The following SLC22A11 variants were observed in gnomAD, a reference collection of about 807,000 sequenced individuals.
The protein encoded by SLC22A11 is solute carrier family 22 member 11.
SLC22A11 carries 42 observed loss-of-function variants against 49.4 expected under a neutral mutation model. The observed-to-expected ratio is 0.85, with a 90% CI of 0.66 to 1.10. SLC22A11 has a LOEUF of 1.10. Ranked by LOEUF, SLC22A11 falls within the 50% of genes least tolerant of loss-of-function variation. SLC22A11 has a pLI of 0.00. For synonymous variants in SLC22A11, 304 were observed against 315.8 expected (o/e 0.96, Z 0.40); for missense variants, 685 against 731.6 (o/e 0.94, Z 0.74).
chr11:64,556,010 C>T lies in SLC22A11; in HGVS notation c.11C>T (p.Ser4Leu), dbSNP rs780955917. The T allele has an allele frequency of 1.9e-6, 3 of 1,607,750 alleles. No homozygotes were observed. Among genetic ancestry groups the T allele is most frequent in the Admixed American group, 1.7e-5 (1 of 59,882 alleles). Residue 4 changes from serine (S) to leucine (L), a missense_variant, in exon 1 of 10, where the codon TCG becomes TTG. Ser to Leu is a moderately radical substitution (Grantham distance 145). Transcript: ENST00000301891. ...GAGGCAGCTCTGTTCATGGCGTTCT[C>T]GAAGCTCTTGGAGCAAGCCGGAGGC... is the stretch of plus-strand genomic sequence containing the variant. MAF[S>L]KLLEQAGGVG...
Position 64,564,261 on chromosome 11 carries a change from G to C in SLC22A11, c.822-47G>C. ...ACTGCCCCTTTCCACCCCGCCCCGG[G>C]GGAGAGCCCAGCGTGCACTCCCAGC... On this transcript the variant is annotated intron_variant, in intron 4 of 9. Transcript: ENST00000301891. This position sits in a 1 kb window ranked among gnomAD's most constrained non-coding sequence, Gnocchi z 4.2. The C allele has an allele frequency of 6.2e-7, 1 of 1,610,236 alleles. No individual in the cohort carries two copies. The highest frequency in any genetic ancestry group is 8.5e-7 in the Non-Finnish European group (1 of 1,177,740).
chr11:64,557,104 G>T (rs2038473073), intron 1 of SLC22A11, among the ~76,000 whole-genome samples: 1 of 152,210 alleles, frequency 6.6e-6, no homozygotes, highest in African/African-American at 2.4e-5. Flanking sequence ...ACCCCTTCTA[G>T]CAGCAAAGCC....
rs2038721293 is a variant in SLC22A11, at chr11:64,572,838, C to A, written c.*1796C>A. ...GGATTCGGATCATACAAAGAATGTT[C>A]TTGAACCAGCATGGAATTAAATTAG... is the stretch of plus-strand genomic sequence containing the variant. On this transcript the variant is annotated 3_prime_UTR_variant, in exon 10 of 10. Coordinates refer to ENST00000301891, the MANE Select transcript of SLC22A11 (RefSeq NM_018484.4). 1 of 152,148 alleles carries A rather than the reference C, an allele frequency of 6.6e-6. No individual in the cohort carries two copies. Among genetic ancestry groups the A allele is most frequent in the Non-Finnish European group, 1.5e-5 (1 of 68,016 alleles). The allele number at this position is 152,148 out of a possible 1,614,324, so 9.4% of individuals were successfully genotyped here.
At position 64,567,826 on chromosome 11, in the gene SLC22A11, G is replaced by A; in HGVS notation, c.1273+13G>A. The A allele has an allele frequency of 6.4e-7, 1 of 1,564,596 alleles. No homozygotes were observed. The highest frequency in any genetic ancestry group is 8.6e-7 in the Non-Finnish European group (1 of 1,158,216). The stretch of plus-strand genomic sequence containing the variant: ...CTGGTGCCGCAAGGTGAGGCAGGCG[G>A]ACTGGGCGGTGGGACCGGGCCCTGC... On this transcript the variant is annotated intron_variant, in intron 7 of 9. Coordinates refer to ENST00000301891, the MANE Select transcript of SLC22A11 (RefSeq NM_018484.4).
Position 64,564,274 on chromosome 11 carries a change from G to A in SLC22A11, c.822-34G>A, listed in dbSNP as rs202164674. The A allele has an allele frequency of 3.9e-4, 632 of 1,612,808 alleles. 1 individual carries two copies. The highest frequency in any genetic ancestry group is 4.8e-4 in the Non-Finnish European group (566 of 1,179,456). ...ACCCCGCCCCGGGGGAGAGCCCAGCGTGCACTCCCAGCTACACACCTGCCT... is the reference window on the plus strand; with the variant it reads ...ACCCCGCCCCGGGGGAGAGCCCAGCATGCACTCCCAGCTACACACCTGCCT... On this transcript the variant is annotated intron_variant, in intron 4 of 9. Coordinates refer to ENST00000301891, the MANE Select transcript of SLC22A11 (RefSeq NM_018484.4). The surrounding 1 kb of genome is among the most constrained non-coding windows in gnomAD (Gnocchi z 4.2).
At position 64,562,228 on chromosome 11, in the gene SLC22A11, C is replaced by A. The variant is rs1233142157; in HGVS notation, c.653-39C>A. The A allele has an allele frequency of 6.3e-7, 1 of 1,599,780 alleles. No individual in the cohort carries two copies. Among genetic ancestry groups the A allele is most frequent in the Non-Finnish European group, 8.5e-7 (1 of 1,170,732 alleles). On this transcript the variant is annotated intron_variant, in intron 3 of 9. Transcript: ENST00000301891. This position sits in a 1 kb window ranked among gnomAD's most constrained non-coding sequence, Gnocchi z 4.4. ...GCAGGAGAGAATGGGGCTCAGGCCGCCGCATGAGGCCTCACCTGCACGTGT... is the reference window on the plus strand; with the variant it reads ...GCAGGAGAGAATGGGGCTCAGGCCGACGCATGAGGCCTCACCTGCACGTGT...
chr11:64,564,538 C>T lies in SLC22A11; in HGVS notation c.942+110C>T. On this transcript the variant is annotated intron_variant, in intron 5 of 9. Coordinates refer to ENST00000301891, the MANE Select transcript of SLC22A11 (RefSeq NM_018484.4). The surrounding 1 kb of genome is among the most constrained non-coding windows in gnomAD (Gnocchi z 4.2). The stretch of plus-strand genomic sequence containing the variant: ...ACTCCAGCACCACCTCCACCAGCAC[C>T]ACCACCAGCATCTCCACAGACACCA... 7.5e-7 allele frequency: 1 copy of T among 1,339,166 alleles called. No individual in the cohort carries two copies. The highest frequency in any genetic ancestry group is 1.0e-6 in the Non-Finnish European group (1 of 964,212). 83.0% of individuals were successfully genotyped at this position (1,339,166 alleles called of 1,614,324 possible).
rs1401715232 is a variant in SLC22A11, at chr11:64,556,098, C to G, written c.99C>G (p.Ser33=). ...TCCTCCCCTGCCTCATGATACCTTC[C>G]CAGATGCTCCTGGAGAACTTCTCAG... ...TFILPCLMIP[S]QMLLENFSAA... is the part of the protein sequence containing the mutation. Residue 33 remains serine (S), a synonymous_variant, in exon 1 of 10, where the codon TCC becomes TCG. Coordinates refer to ENST00000301891, the MANE Select transcript of SLC22A11 (RefSeq NM_018484.4). The G allele has an allele frequency of 1.2e-6, 2 of 1,614,182 alleles. No individual in the cohort carries two copies. The highest frequency in any genetic ancestry group is 1.7e-6 in the Non-Finnish European group (2 of 1,180,032).
In SLC22A11 at chr11:64,570,328, C is replaced by T. The variant is rs979153804; in HGVS notation, c.1589+470C>T. On this transcript the variant is annotated intron_variant, in intron 9 of 9. Coordinates refer to ENST00000301891, the MANE Select transcript of SLC22A11 (RefSeq NM_018484.4). Reference sequence around the variant, plus strand: ...GAGAACAGATGGTGCCATCTCACACCCATTCTTTGACAGGGAGAAATGAGG... The same window carrying T: ...GAGAACAGATGGTGCCATCTCACACTCATTCTTTGACAGGGAGAAATGAGG... 2.6e-5 allele frequency among the ~76,000 whole-genome samples: 4 copies of T among 152,328 alleles called. No homozygotes were observed. In the East Asian group the frequency reaches 7.7e-4, roughly 29 times the overall value.
Position 64,565,437 on chromosome 11 carries a change from G to T in SLC22A11, c.1058+100G>T, listed in dbSNP as rs551224728. 8 of 969,310 alleles carry T rather than the reference G, an allele frequency of 8.3e-6. 1 individual carries two copies. In the African/African-American group the frequency reaches 1.1e-4, roughly 14 times the overall value. The allele number at this position is 969,310 out of a possible 1,614,324, so 60.0% of individuals were successfully genotyped here. On this transcript the variant is annotated intron_variant, in intron 6 of 9. Coordinates refer to ENST00000301891, the MANE Select transcript of SLC22A11 (RefSeq NM_018484.4). The surrounding 1 kb of genome is among the most constrained non-coding windows in gnomAD (Gnocchi z 4.1). ...AGAGCGTCCAGGGGAAACAGCACCC[G>T]CAGGCCTCAAGGGGGTGCATTTCTG... is the stretch of plus-strand genomic sequence containing the variant.
rs1697174013 is a variant in SLC22A11 at position 64,572,000 on chromosome 11, C to T, written c.*958C>T. On this transcript the variant is annotated 3_prime_UTR_variant, in exon 10 of 10. Coordinates refer to ENST00000301891, the MANE Select transcript of SLC22A11 (RefSeq NM_018484.4). ...AAGCGTAGGGATAAGAGGAACCCCT[C>T]TTGGTCCCCTCGATGAGGGTTGTTG... 6.6e-6 allele frequency: 1 copy of T among 152,284 alleles called. No individual in the cohort carries two copies. Among genetic ancestry groups the T allele is most frequent in the Admixed American group, 6.5e-5 (1 of 15,292 alleles). 9.4% of individuals were successfully genotyped at this position (152,284 alleles called of 1,614,324 possible).
At position 64,562,266 on chromosome 11, in the gene SLC22A11, G is replaced by A; in HGVS notation, c.653-1G>A. The A allele has an allele frequency of 1.9e-6, 3 of 1,602,652 alleles. No individual in the cohort carries two copies. The highest frequency in any genetic ancestry group is 2.6e-6 in the Non-Finnish European group (3 of 1,172,478). ...CACCTGCACGTGTCTGCATCCTTCA[G>A]TGGTGGAGTGGACCACGACCAGCAG... On this transcript the variant is annotated splice_acceptor_variant, in intron 3 of 9. Transcript: ENST00000301891. LOFTEE classifies it high-confidence loss of function. The surrounding 1 kb of genome is among the most constrained non-coding windows in gnomAD (Gnocchi z 4.4).
Position 64,571,287 on chromosome 11 carries a change from A to G in SLC22A11, c.*245A>G. 1 of 527,612 alleles carries G rather than the reference A, an allele frequency of 1.9e-6. No homozygotes were observed. Among genetic ancestry groups the G allele is most frequent in the Non-Finnish European group, 3.4e-6 (1 of 295,622 alleles). The allele number at this position is 527,612 out of a possible 1,614,324, so 32.7% of individuals were successfully genotyped here. ...ACCCGGGCCCTACAGGAGCCTGTGC[A>G]GATGGCCATGCCCAACCAATAACGA... On this transcript the variant is annotated 3_prime_UTR_variant, in exon 10 of 10. Transcript: ENST00000301891.
At position 64,565,390 on chromosome 11, in the gene SLC22A11, A is replaced by AGCTGGGACAGGCAGGAGGCC. The variant is rs2038610726; in HGVS notation, c.1058+54_1058+55insCTGGGACAGGCAGGAGGCCG. The AGCTGGGACAGGCAGGAGGCC allele has an allele frequency of 1.3e-5, 19 of 1,446,018 alleles. No individual in the cohort carries two copies. Among genetic ancestry groups the AGCTGGGACAGGCAGGAGGCC allele is most frequent in the Non-Finnish European group, 1.8e-5 (19 of 1,061,690 alleles). 89.6% of individuals were successfully genotyped at this position (1,446,018 alleles called of 1,614,324 possible). On this transcript the variant is annotated intron_variant, in intron 6 of 9. Coordinates refer to ENST00000301891, the MANE Select transcript of SLC22A11 (RefSeq NM_018484.4). This position sits in a 1 kb window ranked among gnomAD's most constrained non-coding sequence, Gnocchi z 4.1. ...GGCAGGGCTGGGACAGGCAGGAGGCAGAGCTGGGACAGGCAGGAGGCAGAG... is the reference window on the plus strand; with the variant it reads ...GGCAGGGCTGGGACAGGCAGGAGGCAGCTGGGACAGGCAGGAGGCCGAGCTGGGACAGGCAGGAGGCAGAG...
chr11:64,564,467 G>A lies in SLC22A11; in HGVS notation c.942+39G>A. On this transcript the variant is annotated intron_variant, in intron 5 of 9. Coordinates refer to ENST00000301891, the MANE Select transcript of SLC22A11 (RefSeq NM_018484.4). The surrounding 1 kb of genome is among the most constrained non-coding windows in gnomAD (Gnocchi z 4.2). ...GTCTGCGAGACTTGACCTGGGACAGGACGTGCACTGAGGGATCATCCGTGT... is the reference window on the plus strand; with the variant it reads ...GTCTGCGAGACTTGACCTGGGACAGAACGTGCACTGAGGGATCATCCGTGT... 1 of 1,608,546 alleles carries A rather than the reference G, an allele frequency of 6.2e-7. No homozygotes were observed. The highest frequency in any genetic ancestry group is 8.5e-7 in the Non-Finnish European group (1 of 1,176,566).
chr11:64,562,471 C>T lies in SLC22A11; in HGVS notation c.821+36C>T. On this transcript the variant is annotated intron_variant, in intron 4 of 9. Transcript: ENST00000301891. The surrounding 1 kb of genome is among the most constrained non-coding windows in gnomAD (Gnocchi z 4.4). ...TGTGGGACCTTTTCCTTAGGAGACC[C>T]AGGGTGGGAGGGGGACTCTTCACTT... 6.6e-7 allele frequency: 1 copy of T among 1,505,988 alleles called. No homozygotes were observed. Among genetic ancestry groups the T allele is most frequent in the Non-Finnish European group, 8.8e-7 (1 of 1,130,148 alleles). The allele number at this position is 1,505,988 out of a possible 1,614,324, so 93.3% of individuals were successfully genotyped here. A position where few individuals can be genotyped will look rare whatever the true frequency, so the allele number is the denominator to read the frequency against.
At chr11:64,559,432 C>T (rs1354503832) in intron 2 of SLC22A11, among the ~76,000 whole-genome samples, 194 bp downstream of exon 2, 1 of 152,060 alleles carries the variant, frequency 6.6e-6, no homozygotes, top group Non-Finnish European at 1.5e-5. Context: ...CAGCAAGGCC[C>T]CCCAGACCCT....
At chr11:64,558,200 G>C (rs1212225656) in intron 1 of SLC22A11, among the ~76,000 whole-genome samples, 2 of 152,208 alleles carry the variant, frequency 1.3e-5, no homozygotes, top group Non-Finnish European at 2.9e-5. Context: ...ATTCCAAAGT[G>C]TTGGGATTAC....
rs2277313 is a variant in SLC22A11, at chr11:64,556,311, C to T, written c.312C>T (p.Ser104=). The T allele has an allele frequency of 5.4e-4, 876 of 1,613,670 alleles. 10 individuals carry two copies. In the East Asian group the frequency reaches 0.017, roughly 32 times the overall value. ...QLLDPNATAT[S]WSEADTEPCV... is the part of the protein sequence containing the mutation. The stretch of plus-strand genomic sequence containing the variant: ...TGGACCCCAATGCCACGGCCACCAG[C>T]TGGAGCGAAGCTGACACGGAGCCGT... Residue 104 remains serine, a synonymous_variant, in exon 1 of 10, where the codon AGC becomes AGT. Coordinates refer to ENST00000301891, the MANE Select transcript of SLC22A11 (RefSeq NM_018484.4).
Sources: allele counts gnomAD v4.1 joint callset (sites outside exome capture counted in the v4.1 genomes callset), GRCh38; gene constraint gnomAD v4.1.1; non-coding constraint Gnocchi (gnomAD v3.1); transcripts MANE v1.5; gene names NCBI Gene and HGNC (gene_info 2026-07-23, HGNC 2026-07-21).